Variants in ENTPD8 observed in about 807,000 individuals in gnomAD.
ENTPD8 encodes E-NTPDase 8.
ENTPD8 carries 35 observed loss-of-function variants against 47.0 expected under a neutral mutation model. The observed-to-expected ratio is 0.75, with a 90% confidence interval of 0.57 to 0.99. ENTPD8 has a LOEUF of 0.99. Among genes scored for constraint, ENTPD8 ranks in the 50% least tolerant of loss-of-function variants. ENTPD8 has a pLI of 0.00. For synonymous variants in ENTPD8, 308 were observed against 290.5 expected, an observed-to-expected ratio of 1.06 and a Z score of -0.61; for missense variants, 668 against 649.9, an observed-to-expected ratio of 1.03 and a Z score of -0.30.
Position 137,436,633 on chromosome 9 carries a change from C to G in ENTPD8, c.674G>C (p.Ser225Thr). ...FVPGGPILDKSTQADFRLYGS... is the reference protein window; with the variant it reads ...FVPGGPILDKTTQADFRLYGS... ...GTAGAGGCGAAAATCGGCCTGGGTG[C>G]TCTTGTCCAAGATGGGGCCCCCAGG... The change falls in exon 6 of 10, where the codon AGC becomes ACC. Residue 225 changes from serine to threonine, a missense_variant. Coordinates refer to ENST00000371506, the MANE Select transcript of ENTPD8 (RefSeq NM_001033113.2). 6.2e-7 allele frequency: 1 copy of G among 1,606,450 alleles called. No individual in the cohort carries two copies. Among genetic ancestry groups the G allele is most frequent in the Non-Finnish European group, 8.5e-7 (1 of 1,177,388 alleles).
chr9:137,434,815 C>A lies in ENTPD8; in HGVS notation c.*99G>T. Reference sequence around the variant, plus strand: ...GCTGTCACCTGACCGTGGGCAGAGCCACAGAGCAAGGCCCCACGGCGCTCA... The same window carrying A: ...GCTGTCACCTGACCGTGGGCAGAGCAACAGAGCAAGGCCCCACGGCGCTCA... On this transcript the variant is annotated 3_prime_UTR_variant, in exon 10 of 10. Transcript: ENST00000371506. 1 of 1,402,928 alleles carries A rather than the reference C, an allele frequency of 7.1e-7. No homozygotes were observed. Among genetic ancestry groups the A allele is most frequent in the Non-Finnish European group, 9.4e-7 (1 of 1,061,894 alleles). The allele number at this position is 1,402,928 out of a possible 1,614,324, so 86.9% of individuals were successfully genotyped here.
Position 137,435,123 on chromosome 9 carries a change from G to C in ENTPD8, c.1297-18C>G, listed in dbSNP as rs1363539718. ...CCGCCCGCCTGCGGGACACACGGCTGCTCAGGGCTGCGGGGCAGCTACCCC... is the reference window on the plus strand; with the variant it reads ...CCGCCCGCCTGCGGGACACACGGCTCCTCAGGGCTGCGGGGCAGCTACCCC... On this transcript the variant is annotated intron_variant, in intron 9 of 9. Transcript: ENST00000371506. The C allele has an allele frequency of 4.4e-6, 7 of 1,604,424 alleles. No individual in the cohort carries two copies. The highest frequency in any genetic ancestry group is 1.7e-5 in the Admixed American group (1 of 59,692).
chr9:137,437,051 T>C lies in ENTPD8; in HGVS notation c.396-23A>G, dbSNP rs764847969. 4.4e-6 allele frequency: 7 copies of C among 1,607,686 alleles called. No individual in the cohort carries two copies. The South Asian group carries it at 4.4e-5, about 10-fold the overall frequency. ...CGGCTGGGCACAGAGGACCAGGGGC[T>C]GGAGCTGGCTGGAAGCCTGGGCCCG... On this transcript the variant is annotated intron_variant, in intron 4 of 9. Transcript: ENST00000371506.
chr9:137,435,611 C>A, intron 8 of ENTPD8, 108 bp downstream of exon 8: 1 of 1,203,480 alleles, frequency 8.3e-7, no homozygotes, highest in Non-Finnish European at 1.2e-6. Context: ...TTGCCTCCCC[C>A]GGCCCTGCTG....
Position 137,435,243 on chromosome 9 carries a change from G to A in ENTPD8, c.1257C>T (p.Phe419=), listed in dbSNP as rs1839308971. 6.2e-7 allele frequency: 1 copy of A among 1,612,204 alleles called. No individual in the cohort carries two copies. Among genetic ancestry groups the A allele is most frequent in the African/African-American group, 1.3e-5 (1 of 74,938 alleles). Residue 419 remains phenylalanine, a synonymous_variant, in exon 9 of 10, where the codon TTC becomes TTT. Transcript: ENST00000371506. ...ILTLLHEGYG[F]SEETWPSLEF... Reference sequence around the variant, plus strand: ...CGAGGCTGGGCCAGGTCTCCTCGCTGAACCCGTAGCCCTCGTGCAGGAGGG... The same window carrying A: ...CGAGGCTGGGCCAGGTCTCCTCGCTAAACCCGTAGCCCTCGTGCAGGAGGG...
At chr9:137,436,412 C>T (rs113930720) in intron 6 of ENTPD8, 109 bp downstream of exon 6, 4 of 1,347,226 alleles carry the variant, frequency 3.0e-6, no homozygotes, top group African/African-American at 2.9e-5. Flanking sequence ...CCACGCCAGC[C>T]CCGCGCCCAT....
Position 137,434,953 on chromosome 9 carries a change from C to G in ENTPD8, c.1449G>C (p.Val483=), listed in dbSNP as rs1839296348. 6.2e-7 allele frequency: 1 copy of G among 1,612,642 alleles called. No homozygotes were observed. The highest frequency in any genetic ancestry group is 8.5e-7 in the Non-Finnish European group (1 of 1,179,718). ...VFMVLALVAV[V]GAALVQLFWL... ...AGAAGAGCTGGACCAAGGCAGCCCC[C>G]ACCACCGCCACCAGGGCCAGCACCA... The change falls in exon 10 of 10, where the codon GTG becomes GTC. Residue 483 remains valine, a synonymous_variant. Coordinates refer to ENST00000371506, the MANE Select transcript of ENTPD8 (RefSeq NM_001033113.2).
intron 3 of ENTPD8, 66 bp downstream of exon 3, chr9:137,437,901 G>T (rs1588478871): frequency 7.1e-7 from 1 of 1,401,592 alleles, no homozygotes; most frequent in Non-Finnish European, 9.9e-7. Flanking sequence ...TTTCCGTGCA[G>T]CTGGGAATCC....
Position 137,436,981 on chromosome 9 carries a change from TG to T in ENTPD8, c.442del (p.Gln148ArgfsTer106). On this transcript the variant is annotated frameshift_variant, in exon 5 of 10. Transcript: ENST00000371506. LOFTEE classifies it high-confidence loss of function. ...GTCCACGGGAGACCGGCCCAGGACCTGGGTGACTGCTGCAAAGATGTCCCTG... is the reference window on the plus strand; with the variant it reads ...GTCCACGGGAGACCGGCCCAGGACCTGGTGACTGCTGCAAAGATGTCCCTG... ...QARDIFAAVT[Q>X]VLGRSPVDFW... 6.2e-7 allele frequency: 1 copy of T among 1,612,968 alleles called. No individual in the cohort carries two copies. The highest frequency in any genetic ancestry group is 8.5e-7 in the Non-Finnish European group (1 of 1,179,950).
In ENTPD8 at chr9:137,435,707, G is replaced by GGGCCCAC. The variant is rs1335242214; in HGVS notation, c.1161+5_1161+11dup. 1 of 1,608,624 alleles carries GGGCCCAC rather than the reference G, an allele frequency of 6.2e-7. No homozygotes were observed. Among genetic ancestry groups the GGGCCCAC allele is most frequent in the Non-Finnish European group, 8.5e-7 (1 of 1,176,138 alleles). ...ACCCTCGCTGCAGCCAGGGAGCCCAGGGCCCACCCACCAGTTTCCAGGGCC... is the reference window on the plus strand; with the variant it reads ...ACCCTCGCTGCAGCCAGGGAGCCCAGGGCCCACGGCCCACCCACCAGTTTCCAGGGCC... On this transcript the variant is annotated intron_variant, in intron 8 of 9. Transcript: ENST00000371506.
chr9:137,435,956 C>T, intron 7 of ENTPD8, 57 bp downstream of exon 7: 3 of 1,604,118 alleles, frequency 1.9e-6, no homozygotes, highest in Middle Eastern at 1.7e-4. Context: ...GTCAGACAGG[C>T]ACCTGAGGCC....
Position 137,435,757 on chromosome 9 carries a change from C to T in ENTPD8, c.1123G>A (p.Ala375Thr), listed in dbSNP as rs373231456. The T allele has an allele frequency of 1.0e-4, 165 of 1,613,426 alleles. 1 individual carries two copies. The South Asian group carries it at 1.3e-3, about 12-fold the overall frequency. ...TSRQPLSTVN[A>T]TIWEFCQRPW... ...CTCTGGCAAAACTCCCAGATGGTGG[C>T]GTTGACCGTGCTCAGGGGCTGCCTG... Residue 375 changes from alanine to threonine, a missense_variant, in exon 8 of 10, where the codon GCC becomes ACC. Physicochemically the swap from Ala to Thr is moderately conservative, Grantham distance 58. Coordinates refer to ENST00000371506, the MANE Select transcript of ENTPD8 (RefSeq NM_001033113.2).
At chr9:137,435,548 C>T (rs1211043484) in intron 8 of ENTPD8, among the ~76,000 whole-genome samples, 171 bp downstream of exon 8, 2 of 152,238 alleles carry the variant, frequency 1.3e-5, no homozygotes, top group African/African-American at 2.4e-5. Flanking sequence ...CAGCTGCGGC[C>T]GTGGCCACAG....
chr9:137,437,126 TCCCCGTGGGTGCCAAGGCCATG>T lies in ENTPD8; in HGVS notation c.395+11_395+32del. The T allele has an allele frequency of 6.2e-7, 1 of 1,606,078 alleles. No individual in the cohort carries two copies. The highest frequency in any genetic ancestry group is 1.1e-5 in the South Asian group (1 of 90,260). ...CTGAGACCATGGCTTCTGCAGCCACTCCCCGTGGGTGCCAAGGCCATGCCTGCCTCACCTGAGCAACCTCATG... is the reference window on the plus strand; with the variant it reads ...CTGAGACCATGGCTTCTGCAGCCACTCCTGCCTCACCTGAGCAACCTCATG... On this transcript the variant is annotated intron_variant, in intron 4 of 9. Transcript: ENST00000371506.
In ENTPD8 at chr9:137,438,214, T is replaced by C. The variant is rs1336472868; in HGVS notation, c.72A>G (p.Ala24=). ...TGGCCTCCACCAGGAGGAGAATGAGTGCCGTGAGGCCTGAGACCCCCGAGG... is the reference window on the plus strand; with the variant it reads ...TGGCCTCCACCAGGAGGAGAATGAGCGCCGTGAGGCCTGAGACCCCCGAGG... The part of the protein sequence containing the change: ...LGASGVSGLT[A]LILLLVEATS... Residue 24 remains alanine (A), a synonymous_variant, in exon 2 of 10, where the codon GCA becomes GCG. Coordinates refer to ENST00000371506, the MANE Select transcript of ENTPD8 (RefSeq NM_001033113.2). The surrounding 1 kb of genome is among the most constrained non-coding windows in gnomAD (Gnocchi z 5.7). 6 of 1,606,668 alleles carry C rather than the reference T, an allele frequency of 3.7e-6. No homozygotes were observed. The highest frequency in any genetic ancestry group is 5.1e-6 in the Non-Finnish European group (6 of 1,177,232).
In ENTPD8 at chr9:137,435,080, GT is replaced by G. The variant is rs1295719353; in HGVS notation, c.1321del (p.Thr441HisfsTer6). The G allele has an allele frequency of 1.2e-6, 2 of 1,611,196 alleles. No homozygotes were observed. The highest frequency in any genetic ancestry group is 2.2e-5 in the South Asian group (2 of 91,028). ...GGTCAGGTTCAGCATGTAGCCCAGT[GT>G]CCAGCCAATGTCCACACCGCCCGCC... is the stretch of plus-strand genomic sequence containing the variant. Reference protein sequence around the residue: ...KQAGGVDIGWTLGYMLNLTGM... With the variant: ...KQAGGVDIGWXLGYMLNLTGM... On this transcript the variant is annotated frameshift_variant, in exon 10 of 10. Transcript: ENST00000371506. LOFTEE classifies it low-confidence loss of function (END_TRUNC).
Position 137,434,470 on chromosome 9 carries a change from T to G in ENTPD8, c.*444A>C. On this transcript the variant is annotated 3_prime_UTR_variant, in exon 10 of 10. Transcript: ENST00000371506. ...CCAGCAGAAGCCCCCAGGCCTGGAC[T>G]CCATCCATCTGCTCAGACAACAGCA... 7.8e-7 allele frequency: 1 copy of G among 1,278,096 alleles called. No homozygotes were observed. The highest frequency in any genetic ancestry group is 1.1e-6 in the Non-Finnish European group (1 of 934,094). The allele number at this position is 1,278,096 out of a possible 1,614,324, so 79.2% of individuals were successfully genotyped here.
Position 137,438,268 on chromosome 9 carries a change from C to T in ENTPD8, c.18G>A (p.Lys6=). The T allele has an allele frequency of 1.3e-6, 2 of 1,590,360 alleles. No homozygotes were observed. Among genetic ancestry groups the T allele is most frequent in the Non-Finnish European group, 1.7e-6 (2 of 1,168,658 alleles). The change falls in exon 2 of 10, where the codon AAG becomes AAA. Residue 6 remains lysine (K), a synonymous_variant. Coordinates refer to ENST00000371506, the MANE Select transcript of ENTPD8 (RefSeq NM_001033113.2). This position sits in a 1 kb window ranked among gnomAD's most constrained non-coding sequence, Gnocchi z 5.7. Reference sequence around the variant, plus strand: ...CCAGCAGGGCCAAGAAGACCTGCTCCTTCCGGGACAGCCCCATGGTGCAGG... The same window carrying T: ...CCAGCAGGGCCAAGAAGACCTGCTCTTTCCGGGACAGCCCCATGGTGCAGG... MGLSR[K]EQVFLALLGA... is the part of the protein sequence containing the mutation.
chr9:137,435,040 G>C lies in ENTPD8; in HGVS notation c.1362C>G (p.Ala454=). 1.2e-6 allele frequency: 2 copies of C among 1,612,652 alleles called. No homozygotes were observed. Among genetic ancestry groups the C allele is most frequent in the Middle Eastern group, 1.6e-4 (1 of 6,062 alleles). Reference sequence around the variant, plus strand: ...CTGCCCGCCACTGAGCCGGCGCATCGGCCGGGATCATCCCGGTCAGGTTCA... The same window carrying C: ...CTGCCCGCCACTGAGCCGGCGCATCCGCCGGGATCATCCCGGTCAGGTTCA... ...YMLNLTGMIP[A]DAPAQWRAES... is the part of the protein sequence containing the mutation. Residue 454 remains alanine, a synonymous_variant, in exon 10 of 10, where the codon GCC becomes GCG. Transcript: ENST00000371506.
Sources: gnomAD v4.1 joint callset for allele counts (sites outside exome capture counted in the v4.1 genomes callset) on GRCh38, gnomAD v4.1.1 for gene constraint, Gnocchi (gnomAD v3.1) non-coding constraint, MANE v1.5 for transcripts, NCBI Gene and HGNC (gene_info 2026-07-23, HGNC 2026-07-21) for gene names.